The following CCSER1 variants were observed in gnomAD, a reference collection of about 807,000 sequenced individuals.
CCSER1 encodes the protein coiled-coil serine rich protein 1.
CCSER1 carries 41 observed loss-of-function variants against 82.0 expected under a neutral mutation model. That is an observed-to-expected ratio of 0.50 (90% CI 0.39 to 0.65). The LOEUF (loss-of-function observed/expected upper bound fraction) is 0.65. Among genes scored for constraint, CCSER1 ranks in the 30% least tolerant of loss-of-function variants. CCSER1 has a pLI of 0.00. For missense variants in CCSER1, 1,119 were observed against 1,064.2 expected, an observed-to-expected ratio of 1.05 and a Z score of -0.72; for synonymous variants, 414 against 383.9, an observed-to-expected ratio of 1.08 and a Z score of -0.92.
intron 10 of CCSER1, among the ~76,000 whole-genome samples, chr4:91,379,990 T>G (rs1217754646): frequency 2.0e-5 from 3 of 152,198 alleles, no homozygotes; most frequent in African/African-American, 7.2e-5. Flanking sequence ...ATTTCTGCCT[T>G]CATTTCGTTA....
intron 5 of CCSER1, among the ~76,000 whole-genome samples, chr4:90,519,511 T>C (rs1772790928): frequency 6.6e-6 from 1 of 151,942 alleles, no homozygotes; most frequent in Non-Finnish European, 1.5e-5. Flanking sequence ...ATGAGATGTT[T>C]CCAAAGTATT....
chr4:90,924,009 C>T (rs529379881), intron 9 of CCSER1, among the ~76,000 whole-genome samples: 25 of 152,242 alleles, frequency 1.6e-4, no homozygotes, highest in African/African-American at 6.0e-4. Context: ...TACAGTATTA[C>T]ATCTAGTAAC....
intron 10 of CCSER1, among the ~76,000 whole-genome samples, chr4:91,285,150 C>T (rs921132057): frequency 2.0e-5 from 3 of 151,608 alleles, no homozygotes; most frequent in African/African-American, 4.8e-5. Flanking sequence ...CTATCGTCTA[C>T]ATTTCTAATG....
intron 10 of CCSER1, among the ~76,000 whole-genome samples, chr4:91,142,822 T>C (rs1442023110): frequency 6.6e-6 from 1 of 152,130 alleles, no homozygotes; most frequent in Non-Finnish European, 1.5e-5. Context: ...TTCTCTATTC[T>C]CTTCCATTGG....
At chr4:91,587,360 T>C (rs1764050330) in intron 10 of CCSER1, among the ~76,000 whole-genome samples, 2 of 151,738 alleles carry the variant, frequency 1.3e-5, no homozygotes, top group Admixed American at 1.3e-4. Context: ...TTAGAAAACT[T>C]CAATCTGGGG....
chr4:90,724,261 T>C (rs1743237612), intron 7 of CCSER1, among the ~76,000 whole-genome samples: 1 of 151,896 alleles, frequency 6.6e-6, no homozygotes. Context: ...TTCACATGAA[T>C]TAGAGGTTTT....
At chr4:90,268,082 A>G (rs1466358841) in intron 1 of CCSER1, among the ~76,000 whole-genome samples, 1 of 152,212 alleles carries the variant, frequency 6.6e-6, no homozygotes, top group East Asian at 1.9e-4. Flanking sequence ...GGAGAAATAA[A>G]GACTTTCTCA....
chr4:90,289,316 T>C lies in CCSER1; in HGVS notation c.-41-18928T>C, dbSNP rs181956311. 6.4e-3 allele frequency among the ~76,000 whole-genome samples: 967 copies of C among 152,058 alleles called. 9 individuals carry two copies. The highest frequency in any genetic ancestry group is 0.023 in the African/African-American group (938 of 41,560). ...ATATGTCCTTTTACCTTATAGGAAATTTGTTAATGGTTAACTTTTAGGTCT... is the reference window on the plus strand; with the variant it reads ...ATATGTCCTTTTACCTTATAGGAAACTTGTTAATGGTTAACTTTTAGGTCT... On this transcript the variant is annotated intron_variant, in intron 1 of 10. Transcript: ENST00000509176.
rs571453510 is a variant in CCSER1 at position 91,277,429 on chromosome 4, G to A, written c.2217+191435G>A. Among the ~76,000 whole-genome samples the A allele has an allele frequency of 2.0e-5, 3 of 150,318 alleles. No homozygotes were observed. The South Asian group carries it at 6.3e-4, about 32-fold the overall frequency. ...GTCTTGTTAGGTTGTATGTGTCCTGGTATTTATCCATTTTGTTTAAGTTTT... is the reference window on the plus strand; with the variant it reads ...GTCTTGTTAGGTTGTATGTGTCCTGATATTTATCCATTTTGTTTAAGTTTT... On this transcript the variant is annotated intron_variant, in intron 10 of 10. Transcript: ENST00000509176.
intron 10 of CCSER1, among the ~76,000 whole-genome samples, chr4:91,117,523 C>CT (rs1389444558): frequency 2.6e-5 from 4 of 152,206 alleles, no homozygotes; most frequent in Non-Finnish European, 5.9e-5. Context: ...AATAGAATTA[C>CT]TTTATGTACT....
intron 10 of CCSER1, among the ~76,000 whole-genome samples, chr4:91,157,968 A>G (rs1730985944): frequency 6.6e-6 from 1 of 152,008 alleles, no homozygotes; most frequent in Non-Finnish European, 1.5e-5. Flanking sequence ...ACTAAATTAC[A>G]GAGTAGGGGT....
intron 10 of CCSER1, among the ~76,000 whole-genome samples, chr4:91,503,987 CT>C (rs1433011776): frequency 6.6e-6 from 1 of 152,140 alleles, no homozygotes; most frequent in African/African-American, 2.4e-5. Context: ...TTCTTATATT[CT>C]TTTATTACTG....
At chr4:90,934,269 C>T (rs767739278) in intron 9 of CCSER1, among the ~76,000 whole-genome samples, 19 of 151,976 alleles carry the variant, frequency 1.3e-4, no homozygotes, top group East Asian at 5.8e-4. Flanking sequence ...ATAATTGTGA[C>T]GTTATTTGTG....
At chr4:90,849,228 A>G (rs1763557127) in intron 8 of CCSER1, among the ~76,000 whole-genome samples, 1 of 152,192 alleles carries the variant, frequency 6.6e-6, no homozygotes, top group Admixed American at 6.5e-5. Context: ...GGCTGTGACC[A>G]AAATGCTGAT....
intron 8 of CCSER1, chr4:90,918,431 A>T: frequency 2.8e-6 from 1 of 359,082 alleles, no homozygotes; most frequent in Non-Finnish European, 5.4e-6. Flanking sequence ...AGTAAAAGAC[A>T]TTAGATATCC....
Position 90,653,762 on chromosome 4 carries a change from C to T in CCSER1, c.1932+25530C>T, listed in dbSNP as rs149243748. On this transcript the variant is annotated intron_variant, in intron 6 of 10. Coordinates refer to ENST00000509176, the MANE Select transcript of CCSER1 (RefSeq NM_001145065.2). ...TTAAAACTATGCACGTCTACAAAAA[C>T]GCATTAGTTAATTTAAATCTTGAAA... Among the ~76,000 whole-genome samples, 709 of 152,116 alleles carry T rather than the reference C, an allele frequency of 4.7e-3. 3 individuals are homozygous for T. Among genetic ancestry groups the T allele is most frequent in the Non-Finnish European group, 7.7e-3 (526 of 68,006 alleles).
chr4:91,308,630 G>T (rs949695832), intron 10 of CCSER1, among the ~76,000 whole-genome samples: 3 of 151,918 alleles, frequency 2.0e-5, no homozygotes, highest in Non-Finnish European at 2.9e-5. Flanking sequence ...TATCCTTGCT[G>T]TTGCACTAGC....
intron 10 of CCSER1, among the ~76,000 whole-genome samples, chr4:91,094,538 G>T (rs1321488454): frequency 6.6e-6 from 1 of 152,152 alleles, no homozygotes; most frequent in Non-Finnish European, 1.5e-5. Flanking sequence ...TAGGAGGGGG[G>T]TGTTCCATGG....
intron 10 of CCSER1, among the ~76,000 whole-genome samples, chr4:91,090,732 A>G (rs1723859988): frequency 6.6e-6 from 1 of 152,338 alleles, no homozygotes; most frequent in Middle Eastern, 3.4e-3. Flanking sequence ...GGCTAATTGC[A>G]AAAACAAATT....
Sources: gnomAD v4.1 joint callset for allele counts (sites outside exome capture counted in the v4.1 genomes callset) on GRCh38, gnomAD v4.1.1 for gene constraint, MANE v1.5 for transcripts, NCBI Gene and HGNC (gene_info 2026-07-23, HGNC 2026-07-21) for gene names.